The following ATXN10 variants were observed in gnomAD, a reference collection of about 807,000 sequenced individuals.
ATXN10 encodes ataxin-10.
A neutral mutation model predicts 52.9 loss-of-function variants in ATXN10; 28 were observed. That is an observed-to-expected ratio of 0.53 (90% CI 0.39 to 0.73). ATXN10 has a LOEUF of 0.73. ATXN10 is among the 30% of genes least tolerant of loss of function. The probability of loss-of-function intolerance (pLI) is 0.00; values close to 1 mark genes in which losing one functional copy is unlikely to be tolerated. For missense variants in ATXN10, 565 were observed against 577.0 expected (o/e 0.98, Z 0.21); for synonymous variants, 226 against 221.5 (o/e 1.02, Z -0.18).
At chr22:45,801,864 C>T (rs1423240302) in intron 9 of ATXN10, among the ~76,000 whole-genome samples, 1 of 152,156 alleles carries the variant, frequency 6.6e-6, no homozygotes, top group Non-Finnish European at 1.5e-5. Context: ...GTGCTGGGCA[C>T]CATGCTGGAT....
At chr22:45,673,413 G>A (rs1482076799) in intron 1 of ATXN10, 1 of 152,204 alleles carries the variant, frequency 6.6e-6, no homozygotes, top group East Asian at 1.9e-4. Flanking sequence ...CATCACTTTG[G>A]GAAATGTGGA....
At chr22:45,788,385 C>T (rs1338808973) in intron 9 of ATXN10, among the ~76,000 whole-genome samples, 1 of 151,564 alleles carries the variant, frequency 6.6e-6, no homozygotes, top group Non-Finnish European at 1.5e-5. Context: ...TAGAATCTTC[C>T]AGTTGTTTCT....
In ATXN10 at chr22:45,783,063, A is replaced by G. The variant is rs528410433; in HGVS notation, c.1174-23896A>G. Among the ~76,000 whole-genome samples the G allele has an allele frequency of 6.6e-6, 1 of 152,260 alleles. No homozygotes were observed. The highest frequency in any genetic ancestry group is 2.4e-5 in the African/African-American group (1 of 41,478). On this transcript the variant is annotated intron_variant, in intron 9 of 11. Transcript: ENST00000252934. The surrounding 1 kb of genome is among the most constrained non-coding windows in gnomAD (Gnocchi z 5.0). ...AGCATACAGTTTTTTTCTTAAGTCT[A>G]GAACTCTGACCTTTTCACTTAAAGG... is the stretch of plus-strand genomic sequence containing the variant.
At chr22:45,752,238 G>A (rs1327583198) in intron 9 of ATXN10, among the ~76,000 whole-genome samples, 1 of 152,178 alleles carries the variant, frequency 6.6e-6, no homozygotes, top group African/African-American at 2.4e-5. Context: ...CACTGGGAAT[G>A]CAGAAATGGA....
intron 9 of ATXN10, among the ~76,000 whole-genome samples, chr22:45,803,610 T>G (rs901544495): frequency 6.6e-6 from 1 of 152,194 alleles, no homozygotes; most frequent in Non-Finnish European, 1.5e-5. Context: ...GTGACACTTA[T>G]AGGGCCCTTG....
At chr22:45,716,493 A>G (rs1924451994) in intron 5 of ATXN10, among the ~76,000 whole-genome samples, 1 of 151,624 alleles carries the variant, frequency 6.6e-6, no homozygotes, top group African/African-American at 2.4e-5. Flanking sequence ...GCACCACCAC[A>G]TCCAACTATT....
intron 9 of ATXN10, among the ~76,000 whole-genome samples, chr22:45,755,558 T>C (rs1926144359): frequency 6.6e-6 from 1 of 152,182 alleles, no homozygotes; most frequent in African/African-American, 2.4e-5. Context: ...AATATCTTGT[T>C]GGTGTTTTTC....
intron 10 of ATXN10, among the ~76,000 whole-genome samples, chr22:45,838,757 C>T (rs1248328258): frequency 3.9e-5 from 6 of 152,202 alleles, no homozygotes; most frequent in African/African-American, 1.2e-4. Context: ...GGACCAGACA[C>T]GCTTCCTAGG....
At chr22:45,724,636 T>C (rs1198972698) in intron 6 of ATXN10, among the ~76,000 whole-genome samples, 2 of 152,246 alleles carry the variant, frequency 1.3e-5, no homozygotes, top group African/African-American at 4.8e-5. Flanking sequence ...ACTCTGATGA[T>C]TATTTCTTCC....
At chr22:45,735,745 CAGG>C (rs1925266900) in intron 7 of ATXN10, among the ~76,000 whole-genome samples, 1 of 146,920 alleles carries the variant, frequency 6.8e-6, no homozygotes, top group Non-Finnish European at 1.5e-5. Context: ...GTGAGCTAGA[CAGG>C]AGACTAATCT....
In ATXN10 at chr22:45,700,397, A is replaced by G. The variant is rs371150803; in HGVS notation, c.488+19A>G. On this transcript the variant is annotated intron_variant, in intron 4 of 11. Transcript: ENST00000252934. ...TGTTTTTGTGAGTATATTGATAAGC[A>G]TTTTTCTAACTTGTGAGAAGATTGT... 35 of 1,575,790 alleles carry G rather than the reference A, an allele frequency of 2.2e-5. No individual in the cohort carries two copies. Among genetic ancestry groups the G allele is most frequent in the Non-Finnish European group, 2.9e-5 (33 of 1,145,476 alleles).
chr22:45,751,740 G>GAAAAAAAAAAAAAA (rs200364242), intron 9 of ATXN10, among the ~76,000 whole-genome samples: 1 of 45,464 alleles, frequency 2.2e-5, no homozygotes, highest in Non-Finnish European at 3.7e-5. Flanking sequence ...CCTTTTTCTG[G>GAAAAAAAAAAAAAA]AAAAAAAAAA....
In ATXN10 at chr22:45,772,333, C is replaced by CT. The variant is rs2146842445; in HGVS notation, c.1173+31801dup. On this transcript the variant is annotated intron_variant, in intron 9 of 11. Transcript: ENST00000252934. This position sits in a 1 kb window ranked among gnomAD's most constrained non-coding sequence, Gnocchi z 4.1. ...AGCAGCATTTGTTAAAAAGACTATCCTTTTTTGTTCATTGAATTGCTTTTG... is the reference window on the plus strand; with the variant it reads ...AGCAGCATTTGTTAAAAAGACTATCCTTTTTTTGTTCATTGAATTGCTTTTG... 6.6e-6 allele frequency among the ~76,000 whole-genome samples: 1 copy of CT among 152,226 alleles called. No homozygotes were observed. Among genetic ancestry groups the CT allele is most frequent in the Non-Finnish European group, 1.5e-5 (1 of 68,000 alleles).
intron 7 of ATXN10, among the ~76,000 whole-genome samples, chr22:45,738,172 G>C (rs1601615297): frequency 6.6e-6 from 1 of 152,252 alleles, no homozygotes; most frequent in African/African-American, 2.4e-5. Flanking sequence ...ATGTGAAGTA[G>C]CATTTTCAAA....
intron 9 of ATXN10, among the ~76,000 whole-genome samples, chr22:45,755,318 A>C (rs1926135042): frequency 6.6e-6 from 1 of 152,204 alleles, no homozygotes; most frequent in Non-Finnish European, 1.5e-5. Flanking sequence ...AAATGCAAAC[A>C]CACCTTGGAG....
At chr22:45,703,119 C>A (rs1258155009) in intron 5 of ATXN10, among the ~76,000 whole-genome samples, 1 of 152,120 alleles carries the variant, frequency 6.6e-6, no homozygotes, top group Admixed American at 6.6e-5. Context: ...TATGAAAAAA[C>A]AGTGTGAAAT....
intron 10 of ATXN10, among the ~76,000 whole-genome samples, chr22:45,817,381 A>G (rs1001888983): frequency 3.6e-5 from 5 of 138,960 alleles, no homozygotes; most frequent in South Asian, 2.2e-4. Flanking sequence ...CTGGAGTGCA[A>G]TGGCGCGATC....
Position 45,762,560 on chromosome 22 carries a change from C to A in ATXN10, c.1173+22022C>A, listed in dbSNP as rs1314574070. On this transcript the variant is annotated intron_variant, in intron 9 of 11. Transcript: ENST00000252934. The surrounding 1 kb of genome is among the most constrained non-coding windows in gnomAD (Gnocchi z 4.3). ...ATGCTCCTGTCTGGCCAGGGTGCTT[C>A]CTCCTCGCTCTCCAGCTGGCTGAAG... is the stretch of plus-strand genomic sequence containing the variant. Among the ~76,000 whole-genome samples the A allele has an allele frequency of 6.6e-6, 1 of 152,134 alleles. No homozygotes were observed. The highest frequency in any genetic ancestry group is 1.5e-5 in the Non-Finnish European group (1 of 68,012).
At chr22:45,709,214 G>T (rs1028114388) in intron 5 of ATXN10, among the ~76,000 whole-genome samples, 3 of 152,122 alleles carry the variant, frequency 2.0e-5, no homozygotes, top group Non-Finnish European at 4.4e-5. Context: ...CACTTTCATG[G>T]CACTTAGCGC....
Sources: allele counts gnomAD v4.1 joint callset (sites outside exome capture counted in the v4.1 genomes callset), GRCh38; gene constraint gnomAD v4.1.1; non-coding constraint Gnocchi (gnomAD v3.1); transcripts MANE v1.5; gene names NCBI Gene and HGNC (gene_info 2026-07-23, HGNC 2026-07-21).